ACSS3: variants seen among roughly 807,000 people sequenced by gnomAD.
ACSS3 encodes the protein acyl-CoA synthetase short-chain family member 3, mitochondrial.
A neutral mutation model predicts 84.2 loss-of-function variants in ACSS3; 64 were observed. That is an observed-to-expected ratio of 0.76 (90% CI 0.62 to 0.94). The LOEUF is 0.94. Ranked by LOEUF, ACSS3 falls within the 40% of genes least tolerant of loss-of-function variation. ACSS3 has a pLI of 0.00. For synonymous variants in ACSS3, 317 were observed against 310.1 expected, an observed-to-expected ratio of 1.02 and a Z score of -0.23; for missense variants, 815 against 867.6, an observed-to-expected ratio of 0.94 and a Z score of 0.76.
intron 13 of ACSS3, among the ~76,000 whole-genome samples, chr12:81,250,622 ACT>A (rs1425627779): frequency 1.3e-5 from 2 of 151,988 alleles, no homozygotes; most frequent in Admixed American, 6.6e-5. Context: ...TTTAGTTAAA[ACT>A]CTAGTCATAT....
intron 8 of ACSS3, among the ~76,000 whole-genome samples, chr12:81,176,734 C>T (rs1369856420): frequency 6.6e-6 from 1 of 151,956 alleles, no homozygotes; most frequent in African/African-American, 2.4e-5. Flanking sequence ...ATGAATTCTA[C>T]CAACATAAAG....
chr12:81,192,286 C>G (rs2031611467), intron 8 of ACSS3, among the ~76,000 whole-genome samples: 1 of 152,056 alleles, frequency 6.6e-6, no homozygotes, highest in Non-Finnish European at 1.5e-5. Context: ...GAGGCTGAGG[C>G]AGGAGAATGG....
chr12:81,191,551 C>A (rs1412888651), intron 8 of ACSS3, among the ~76,000 whole-genome samples: 1 of 152,104 alleles, frequency 6.6e-6, no homozygotes, highest in Non-Finnish European at 1.5e-5. Context: ...AAATAAAACT[C>A]TCTGGGCCAG....
chr12:81,130,075 A>G (rs1885390764), intron 2 of ACSS3, among the ~76,000 whole-genome samples: 1 of 152,182 alleles, frequency 6.6e-6, no homozygotes, highest in African/African-American at 2.4e-5. Flanking sequence ...GAATAGTGCC[A>G]CAATAAACAT....
chr12:81,193,224 G>A (rs1256795867), intron 8 of ACSS3, among the ~76,000 whole-genome samples: 2 of 152,114 alleles, frequency 1.3e-5, no homozygotes, highest in African/African-American at 2.4e-5. Flanking sequence ...ACCAGAAGTC[G>A]ACGAGGCATC....
At chr12:81,245,866 T>C (rs925290825) in intron 13 of ACSS3, among the ~76,000 whole-genome samples, 1 of 152,180 alleles carries the variant, frequency 6.6e-6, no homozygotes, top group African/African-American at 2.4e-5. Context: ...TTCTTACTTG[T>C]AGTACCAAAA....
intron 4 of ACSS3, among the ~76,000 whole-genome samples, 160 bp from the exon 5 acceptor site, chr12:81,142,947 A>C (rs1566000816): frequency 6.6e-6 from 1 of 152,240 alleles, no homozygotes; most frequent in Admixed American, 6.5e-5. Flanking sequence ...ATTTATGTTA[A>C]ATCATGAACT....
chr12:81,185,804 A>G (rs1183353713), intron 8 of ACSS3, among the ~76,000 whole-genome samples: 1 of 151,836 alleles, frequency 6.6e-6, no homozygotes, highest in Non-Finnish European at 1.5e-5. Flanking sequence ...CACAGATTCA[A>G]TGCAATCCCT....
chr12:81,163,283 T>C (rs1309978582), intron 7 of ACSS3, among the ~76,000 whole-genome samples: 1 of 152,240 alleles, frequency 6.6e-6, no homozygotes, highest in Admixed American at 6.5e-5. Flanking sequence ...TGGTCAGTGA[T>C]AGATCACATA....
chr12:81,115,907 G>A (rs188123470), intron 2 of ACSS3, among the ~76,000 whole-genome samples: 3 of 152,214 alleles, frequency 2.0e-5, no homozygotes, highest in Admixed American at 1.3e-4. Context: ...ATTTGGAAAT[G>A]AAAGCTTGCC....
intron 9 of ACSS3, among the ~76,000 whole-genome samples, chr12:81,215,559 A>T (rs1407459354): frequency 6.6e-6 from 1 of 152,224 alleles, no homozygotes; most frequent in Non-Finnish European, 1.5e-5. Context: ...TGGTAGAAGG[A>T]ACACATTCTG....
At chr12:81,216,211 T>C (rs556707190) in intron 9 of ACSS3, among the ~76,000 whole-genome samples, 2 of 151,430 alleles carry the variant, frequency 1.3e-5, no homozygotes, top group East Asian at 3.9e-4. Flanking sequence ...TATTATACTT[T>C]AAATTTTAGG....
At chr12:81,155,398 G>A (rs1051502128) in intron 7 of ACSS3, among the ~76,000 whole-genome samples, 3 of 152,044 alleles carry the variant, frequency 2.0e-5, no homozygotes, top group Non-Finnish European at 4.4e-5. Context: ...TGCCTTTCCT[G>A]CTGAGTACTA....
intron 10 of ACSS3, among the ~76,000 whole-genome samples, chr12:81,217,249 A>G (rs2135943585): frequency 6.6e-6 from 1 of 152,260 alleles, no homozygotes; most frequent in South Asian, 2.1e-4. Context: ...TGGGTGTGAA[A>G]TTACTATGAA....
intron 11 of ACSS3, among the ~76,000 whole-genome samples, chr12:81,223,544 C>T (rs1005676203): frequency 4.6e-5 from 7 of 152,110 alleles, no homozygotes; most frequent in African/African-American, 1.7e-4. Flanking sequence ...AGCCTTATAA[C>T]AGCACTATGA....
intron 1 of ACSS3, among the ~76,000 whole-genome samples, chr12:81,097,040 T>C (rs904522540): frequency 6.6e-6 from 1 of 152,368 alleles, no homozygotes; most frequent in Admixed American, 6.5e-5. Context: ...AGCACTCATA[T>C]GATGGCTACT....
In ACSS3 at chr12:81,253,552, A is replaced by C. The variant is rs967373799; in HGVS notation, c.1877A>C (p.Asn626Thr). The change falls in exon 15 of 16, where the codon AAC becomes ACC. Residue 626 changes from asparagine (N) to threonine (T), a missense_variant. Coordinates refer to ENST00000548058, the MANE Select transcript of ACSS3 (RefSeq NM_024560.4). The stretch of plus-strand genomic sequence containing the variant: ...GAAATTGTGAAACACGTTAGACAGA[A>C]CATTGGCCCTGTGGCTGCTTTTCGA... ...LEEIVKHVRQ[N>T]IGPVAAFRNA... is the part of the protein sequence containing the mutation. 3 of 1,613,880 alleles carry C rather than the reference A, an allele frequency of 1.9e-6. No homozygotes were observed. Among genetic ancestry groups the C allele is most frequent in the Admixed American group, 1.7e-5 (1 of 59,942 alleles).
At chr12:81,119,627 G>A (rs1884391794) in intron 2 of ACSS3, among the ~76,000 whole-genome samples, 1 of 152,072 alleles carries the variant, frequency 6.6e-6, no homozygotes, top group Non-Finnish European at 1.5e-5. Flanking sequence ...AGAATTCAGT[G>A]ATATCTTCCC....
chr12:81,213,603 TCCCCTCC>T (rs2032700580), intron 9 of ACSS3, among the ~76,000 whole-genome samples: 1 of 11,738 alleles, frequency 8.5e-5, no homozygotes, highest in African/African-American at 3.8e-4. Context: ...TCCCCTCCCC[TCCCCTCC>T]CCTCCCCTCC....
Sources: gnomAD v4.1 joint callset for allele counts (sites outside exome capture counted in the v4.1 genomes callset) on GRCh38, gnomAD v4.1.1 for gene constraint, MANE v1.5 for transcripts, NCBI Gene and HGNC (gene_info 2026-07-23, HGNC 2026-07-21) for gene names.